Variants in PDE3A observed in about 807,000 individuals in gnomAD.
The protein encoded by PDE3A is phosphodiesterase 3A, also known as cGMP-inhibited 3',5'-cyclic phosphodiesterase 3A.
PDE3A carries 43 observed loss-of-function variants against 98.3 expected under a neutral mutation model. The ratio of observed to expected loss-of-function variants is 0.44; its 90% confidence interval spans 0.34 to 0.56. The LOEUF is 0.56. Ranked by LOEUF, PDE3A falls within the 20% of genes least tolerant of loss-of-function variation. The pLI, the probability that PDE3A is intolerant of heterozygous loss-of-function variation, is 0.01. For missense variants in PDE3A, 1,427 were observed against 1,440.7 expected, an observed-to-expected ratio of 0.99 and a Z score of 0.15; for synonymous variants, 663 against 567.9, an observed-to-expected ratio of 1.17 and a Z score of -2.38.
At position 20,680,018 on chromosome 12, in the gene PDE3A, T is replaced by C. The variant is rs977206760; in HGVS notation, c.3185-12T>C. ...TAGTCTGATTTGGTGTTTTTTATTT[T>C]ATTTATTTTAGAAAAGAAGACTTTC... On this transcript the variant is annotated splice_polypyrimidine_tract_variant and intron_variant, in intron 15 of 15. Coordinates refer to ENST00000359062, the MANE Select transcript of PDE3A (RefSeq NM_000921.5). The C allele has an allele frequency of 1.3e-6, 2 of 1,576,408 alleles. No individual in the cohort carries two copies. Among genetic ancestry groups the C allele is most frequent in the Non-Finnish European group, 1.7e-6 (2 of 1,155,416 alleles).
intron 1 of PDE3A, among the ~76,000 whole-genome samples, chr12:20,458,820 A>T (rs1050280259): frequency 6.6e-6 from 1 of 152,086 alleles, no homozygotes; most frequent in Non-Finnish European, 1.5e-5. Flanking sequence ...CATTTTTTGC[A>T]TGGATACAGC....
rs1311221592 is a variant in PDE3A at position 20,369,755 on chromosome 12, G to T, written c.471G>T (p.Leu157=). Residue 157 remains leucine, a synonymous_variant, in exon 1 of 16, where the codon CTG becomes CTT. Coordinates refer to ENST00000359062, the MANE Select transcript of PDE3A (RefSeq NM_000921.5). ...GLYLLRAGVR[L]PLAVALLAAC... is the part of the protein sequence containing the mutation. ...ACCTCCTGCGCGCCGGGGTGCGCCT[G>T]CCTCTGGCTGTCGCGCTGCTGGCCG... 2.5e-6 allele frequency: 4 copies of T among 1,612,612 alleles called. No homozygotes were observed. The highest frequency in any genetic ancestry group is 3.4e-6 in the Non-Finnish European group (4 of 1,179,784).
At chr12:20,469,919 C>A (rs1464136433) in intron 1 of PDE3A, among the ~76,000 whole-genome samples, 3 of 152,128 alleles carry the variant, frequency 2.0e-5, no homozygotes, top group African/African-American at 4.8e-5. Context: ...ATAGATATTC[C>A]CATGGCAGAA....
intron 1 of PDE3A, among the ~76,000 whole-genome samples, chr12:20,448,614 T>C (rs1223169857): frequency 6.6e-6 from 1 of 152,208 alleles, no homozygotes; most frequent in Non-Finnish European, 1.5e-5. Context: ...CCTTCTCTTT[T>C]CATGAATTTG....
chr12:20,609,166 A>G (rs1195740597), intron 2 of PDE3A, among the ~76,000 whole-genome samples: 4 of 152,046 alleles, frequency 2.6e-5, no homozygotes, highest in Non-Finnish European at 5.9e-5. Context: ...TATGTAGAAA[A>G]CCACAACAAT....
intron 1 of PDE3A, among the ~76,000 whole-genome samples, chr12:20,400,366 C>A: frequency 7.7e-6 from 1 of 130,522 alleles, no homozygotes. Context: ...CTCATGTTGA[C>A]TCGTTAACAT....
At chr12:20,546,709 C>G (rs934729464) in intron 1 of PDE3A, among the ~76,000 whole-genome samples, 1 of 151,938 alleles carries the variant, frequency 6.6e-6, no homozygotes, top group Non-Finnish European at 1.5e-5. Context: ...CATTTTGTGA[C>G]TCTTGAAAAA....
intron 1 of PDE3A, among the ~76,000 whole-genome samples, chr12:20,474,004 T>C (rs1440753040): frequency 6.6e-6 from 1 of 152,154 alleles, no homozygotes; most frequent in Non-Finnish European, 1.5e-5. Flanking sequence ...ACCTGGGAGT[T>C]AAATTGTTAG....
At chr12:20,646,974 G>C (rs569216558) in intron 12 of PDE3A, 24 bp downstream of exon 12, 2 of 1,536,118 alleles carry the variant, frequency 1.3e-6, no homozygotes, top group South Asian at 2.2e-5. Context: ...TTTTGGTTAG[G>C]AGAACTAATT....
chr12:20,597,669 C>A (rs1007883484), intron 2 of PDE3A, among the ~76,000 whole-genome samples: 3 of 152,132 alleles, frequency 2.0e-5, no homozygotes, highest in Non-Finnish European at 4.4e-5. Context: ...TTCTTTCACT[C>A]TTCTTATAAC....
At chr12:20,664,763 C>T (rs76450248) in intron 15 of PDE3A, among the ~76,000 whole-genome samples, 6,819 of 152,206 alleles carry the variant, frequency 0.045, 275 homozygotes, top group African/African-American at 0.1. Context: ...CCATGTGGAA[C>T]TCTTGAGTCC....
Position 20,533,732 on chromosome 12 carries a change from C to CCCG in PDE3A, c.961-22926_961-22925insGCC, listed in dbSNP as rs769621979. ...CCTGACCTCATGATCCGCCCCGCCC[C>CCCG]CCTTTGGACTCCCAAAGTGCTGGGA... On this transcript the variant is annotated intron_variant, in intron 1 of 15. Transcript: ENST00000359062. Among the ~76,000 whole-genome samples the CCCG allele has an allele frequency of 3.5e-4, 53 of 150,566 alleles. 1 individual carries two copies. The highest frequency in any genetic ancestry group is 6.4e-4 in the South Asian group (3 of 4,696).
intron 1 of PDE3A, among the ~76,000 whole-genome samples, chr12:20,427,042 T>G (rs1049526568): frequency 2.0e-5 from 3 of 152,190 alleles, no homozygotes; most frequent in Admixed American, 6.5e-5. Context: ...TTTGAAATCT[T>G]AAGAATGGAT....
chr12:20,409,737 A>C (rs1669725128), intron 1 of PDE3A, among the ~76,000 whole-genome samples: 1 of 152,224 alleles, frequency 6.6e-6, no homozygotes, highest in Admixed American at 6.5e-5. Context: ...GCTCACCACA[A>C]ATCAAACCAA....
At chr12:20,544,131 G>A (rs1941993111) in intron 1 of PDE3A, among the ~76,000 whole-genome samples, 1 of 150,368 alleles carries the variant, frequency 6.7e-6, no homozygotes, top group African/African-American at 2.4e-5. Flanking sequence ...TATTTTTTAT[G>A]CTTACATAGA....
chr12:20,655,599 A>T (rs868812252), intron 15 of PDE3A, among the ~76,000 whole-genome samples: 1 of 152,352 alleles, frequency 6.6e-6, no homozygotes, highest in South Asian at 2.1e-4. Flanking sequence ...AGCCTAAAAC[A>T]AAACAAAACA....
intron 2 of PDE3A, among the ~76,000 whole-genome samples, chr12:20,568,155 TATTC>T (rs1405055304): frequency 3.3e-5 from 5 of 152,004 alleles, no homozygotes; most frequent in Non-Finnish European, 5.9e-5. Flanking sequence ...TTTCTGTACT[TATTC>T]ATGAATAAGA....
At chr12:20,509,668 T>A (rs1420711261) in intron 1 of PDE3A, among the ~76,000 whole-genome samples, 7 of 152,120 alleles carry the variant, frequency 4.6e-5, no homozygotes, top group Non-Finnish European at 1.5e-5. Flanking sequence ...TATTGTAGCC[T>A]CTGTTTTCTG....
intron 1 of PDE3A, among the ~76,000 whole-genome samples, chr12:20,551,283 C>G (rs1217197799): frequency 6.6e-6 from 1 of 151,666 alleles, no homozygotes; most frequent in African/African-American, 2.4e-5. Flanking sequence ...CCCTTGATAT[C>G]TTGAAGATAT....
Sources: gnomAD v4.1 joint callset for allele counts (sites outside exome capture counted in the v4.1 genomes callset) on GRCh38, gnomAD v4.1.1 for gene constraint, MANE v1.5 for transcripts, NCBI Gene and HGNC (gene_info 2026-07-23, HGNC 2026-07-21) for gene names.